COG5: variants seen among roughly 807,000 people sequenced by gnomAD.
COG5 encodes conserved oligomeric Golgi complex subunit 5.
In COG5, 86 loss-of-function variants were observed where a neutral mutation model predicts 110.4. The ratio of observed to expected loss-of-function variants is 0.78; its 90% CI spans 0.65 to 0.93. COG5 has a LOEUF of 0.93. Among genes scored for constraint, COG5 ranks in the 40% least tolerant of loss-of-function variants. The probability of loss-of-function intolerance (pLI) is 0.00; values close to 1 mark genes in which losing one functional copy is unlikely to be tolerated. For missense variants in COG5, 1,077 were observed against 987.0 expected, an observed-to-expected ratio of 1.09 and a Z score of -1.22; for synonymous variants, 360 against 334.6, an observed-to-expected ratio of 1.08 and a Z score of -0.83.
chr7:107,428,201 A>C (rs1390641094), intron 6 of COG5, among the ~76,000 whole-genome samples: 1 of 152,168 alleles, frequency 6.6e-6, no homozygotes, highest in Admixed American at 6.5e-5. Context: ...TGGCCTTCAC[A>C]CTTTAAATTG....
intron 6 of COG5, among the ~76,000 whole-genome samples, chr7:107,464,936 G>A (rs1228895128): frequency 6.6e-6 from 1 of 152,062 alleles, no homozygotes; most frequent in African/African-American, 2.4e-5. Context: ...ATTTGTCTAG[G>A]GTGTCATTAC....
rs547299065 is a variant in COG5 at position 107,248,844 on chromosome 7, A to G, written c.1750-345T>C. 4.6e-5 allele frequency among the ~76,000 whole-genome samples: 7 copies of G among 152,376 alleles called. No individual in the cohort carries two copies. The East Asian group carries it at 7.7e-4, about 17-fold the overall frequency. ...CAAATGAACACATTTAAGTTTCACA[A>G]AAGAGTTAGGCAGGACCAAAAGTAA... On this transcript the variant is annotated intron_variant, in intron 16 of 21. Transcript: ENST00000297135.
intron 17 of COG5, among the ~76,000 whole-genome samples, chr7:107,240,818 G>A (rs1476823002): frequency 6.6e-6 from 1 of 151,918 alleles, no homozygotes; most frequent in Non-Finnish European, 1.5e-5. Flanking sequence ...TGCCATGGGG[G>A]CAATACTTTA....
intron 6 of COG5, among the ~76,000 whole-genome samples, chr7:107,514,301 A>G (rs1169018523): frequency 6.6e-6 from 1 of 151,170 alleles, no homozygotes; most frequent in African/African-American, 2.4e-5. Flanking sequence ...AACATAAAAT[A>G]CATTTTCTAT....
intron 6 of COG5, among the ~76,000 whole-genome samples, chr7:107,504,071 T>C (rs1003693976): frequency 1.1e-4 from 16 of 152,148 alleles, no homozygotes; most frequent in Non-Finnish European, 2.2e-4. Flanking sequence ...CCTTGTCTTG[T>C]TCCAGTTCTC....
chr7:107,260,951 T>G (rs1311169802), intron 14 of COG5, among the ~76,000 whole-genome samples: 1 of 151,466 alleles, frequency 6.6e-6, no homozygotes, highest in East Asian at 1.9e-4. Flanking sequence ...GTTTTTTTGT[T>G]TGTTTGTTTT....
intron 14 of COG5, among the ~76,000 whole-genome samples, chr7:107,261,301 T>C (rs1803325218): frequency 6.6e-6 from 1 of 151,940 alleles, no homozygotes; most frequent in African/African-American, 2.4e-5. Flanking sequence ...TCCTGTTTGC[T>C]TTATCATTTG....
chr7:107,445,971 C>T lies in COG5; in HGVS notation c.539-33339G>A, dbSNP rs367558264. Among the ~76,000 whole-genome samples, 430 of 152,274 alleles carry T rather than the reference C, an allele frequency of 2.8e-3. 4 individuals are homozygous for T. The Middle Eastern group carries it at 0.041, about 14-fold the overall frequency. ...TGCCCACTGCACAACTTGACAAGTG[C>T]CACTCATAAAGACCTCATTGAGAAT... On this transcript the variant is annotated intron_variant, in intron 6 of 21. Coordinates refer to ENST00000297135, the MANE Select transcript of COG5 (RefSeq NM_006348.5).
At chr7:107,528,636 G>A (rs775634121) in intron 5 of COG5, among the ~76,000 whole-genome samples, 24 of 152,140 alleles carry the variant, frequency 1.6e-4, no homozygotes, top group Non-Finnish European at 2.9e-4. Flanking sequence ...TTCAGCCTCA[G>A]TAGTGATTAC....
intron 5 of COG5, among the ~76,000 whole-genome samples, chr7:107,544,699 T>A (rs1483012196): frequency 1.3e-5 from 2 of 152,130 alleles, no homozygotes; most frequent in African/African-American, 4.8e-5. Context: ...GTGGAGTAAG[T>A]TCCTACTTCT....
intron 6 of COG5, among the ~76,000 whole-genome samples, chr7:107,455,405 A>G (rs187988097): frequency 1.3e-3 from 198 of 152,308 alleles, no homozygotes; most frequent in Non-Finnish European, 2.2e-3. Flanking sequence ...GATAAAATTT[A>G]TTTGTTTTTG....
At chr7:107,283,497 AGGTAC>A in intron 13 of COG5, 69 bp downstream of exon 13, 1 of 1,269,266 alleles carries the variant, frequency 7.9e-7, no homozygotes, top group Non-Finnish European at 1.1e-6. Flanking sequence ...TAAATTAAAA[AGGTAC>A]TGCTATCATA....
rs569587078 is a variant in COG5, at chr7:107,413,634, C to T, written c.539-1002G>A. Among the ~76,000 whole-genome samples the T allele has an allele frequency of 7.2e-5, 11 of 152,128 alleles. No individual in the cohort carries two copies. In the Middle Eastern group the frequency reaches 0.01, roughly 144 times the overall value. The stretch of plus-strand genomic sequence containing the variant: ...GAGGGATTATGATACTAAATTTCCC[C>T]TCCCATTTATCTGATGCATACAATC... On this transcript the variant is annotated intron_variant, in intron 6 of 21. Transcript: ENST00000297135.
At chr7:107,421,502 G>A (rs1264492506) in intron 6 of COG5, among the ~76,000 whole-genome samples, 3 of 152,074 alleles carry the variant, frequency 2.0e-5, no homozygotes, top group Non-Finnish European at 4.4e-5. Flanking sequence ...TACAAAGTAT[G>A]TTCTTTGGCT....
chr7:107,228,456 T>A (rs551022840), intron 19 of COG5, among the ~76,000 whole-genome samples: 34 of 152,266 alleles, frequency 2.2e-4, no homozygotes, highest in African/African-American at 7.9e-4. Flanking sequence ...CCAGCTAGGA[T>A]TGCTGTGTTA....
intron 6 of COG5, among the ~76,000 whole-genome samples, chr7:107,451,671 C>T (rs753705252): frequency 4.6e-5 from 7 of 152,028 alleles, no homozygotes; most frequent in Non-Finnish European, 8.8e-5. Flanking sequence ...AACATGAAGA[C>T]GATGTGAATG....
rs969809105 is a variant in COG5, at chr7:107,318,672, A to T, written c.1108+5768T>A. 2.6e-5 allele frequency among the ~76,000 whole-genome samples: 4 copies of T among 152,020 alleles called. 1 individual carries two copies. Among genetic ancestry groups the T allele is most frequent in the Admixed American group, 1.3e-4 (2 of 15,246 alleles). ...CTCCCTCTTGCTAAGTGCTCTCATG[A>T]CCTTTCCTTGTGCCTGTGTACATAG... On this transcript the variant is annotated intron_variant, in intron 11 of 21. Coordinates refer to ENST00000297135, the MANE Select transcript of COG5 (RefSeq NM_006348.5).
chr7:107,460,361 C>G lies in COG5; in HGVS notation c.539-47729G>C, dbSNP rs567761556. 2.0e-5 allele frequency among the ~76,000 whole-genome samples: 3 copies of G among 152,072 alleles called. No homozygotes were observed. In the South Asian group the frequency reaches 6.2e-4, roughly 32 times the overall value. On this transcript the variant is annotated intron_variant, in intron 6 of 21. Coordinates refer to ENST00000297135, the MANE Select transcript of COG5 (RefSeq NM_006348.5). The stretch of plus-strand genomic sequence containing the variant: ...GAGGCTACAGTGACCAGTAATCGTA[C>G]CACCCTGGGTGAGAGAGCAAAACTC...
At chr7:107,250,461 C>T (rs1444235364) in intron 16 of COG5, among the ~76,000 whole-genome samples, 1 of 151,894 alleles carries the variant, frequency 6.6e-6, no homozygotes, top group Non-Finnish European at 1.5e-5. Flanking sequence ...AAAAAAAATC[C>T]TGTTTCTACA....
Sources: gnomAD v4.1 joint callset for allele counts (sites outside exome capture counted in the v4.1 genomes callset) on GRCh38, gnomAD v4.1.1 for gene constraint, MANE v1.5 for transcripts, NCBI Gene and HGNC (gene_info 2026-07-23, HGNC 2026-07-21) for gene names.